The following HAPLN1 variants were observed in gnomAD, a reference collection of about 807,000 sequenced individuals.
The protein encoded by HAPLN1 is hyaluronan and proteoglycan link protein 1.
Under a neutral mutation model 36.5 loss-of-function variants are expected in HAPLN1, and 13 were observed. The ratio of observed to expected loss-of-function variants is 0.36; its 90% CI spans 0.23 to 0.57. HAPLN1 has a LOEUF of 0.57. Ranked by LOEUF, HAPLN1 falls within the 20% of genes least tolerant of loss-of-function variation. The pLI is 0.83. For synonymous variants in HAPLN1, 202 were observed against 169.8 expected, an observed-to-expected ratio of 1.19 and a Z score of -1.48; for missense variants, 407 against 439.7, an observed-to-expected ratio of 0.93 and a Z score of 0.66.
In HAPLN1 at chr5:83,652,552, C is replaced by A. The variant is rs759929174; in HGVS notation, c.373G>T (p.Val125Phe). The A allele has an allele frequency of 6.2e-7, 1 of 1,614,120 alleles. No homozygotes were observed. The highest frequency in any genetic ancestry group is 1.1e-5 in the South Asian group (1 of 91,082). Residue 125 changes from valine (V) to phenylalanine (F), a missense_variant, in exon 3 of 5, where the codon GTC becomes TTC. Coordinates refer to ENST00000274341, the MANE Select transcript of HAPLN1 (RefSeq NM_001884.4). ...TCTTCCAGAGTGAGGTCTGTGATGACCAGAGAAGCATCACTATCACTGCCT... is the reference window on the plus strand; with the variant it reads ...TCTTCCAGAGTGAGGTCTGTGATGAACAGAGAAGCATCACTATCACTGCCT... ...KGGSDSDASLVITDLTLEDYG... is the reference protein window; with the variant it reads ...KGGSDSDASLFITDLTLEDYG...
At chr5:83,685,946 C>T (rs949581898) in intron 1 of HAPLN1, 1 of 152,074 alleles carries the variant, frequency 6.6e-6, no homozygotes, top group Non-Finnish European at 1.5e-5. Context: ...GAGCATATGA[C>T]TATCTATACT....
intron 1 of HAPLN1, among the ~76,000 whole-genome samples, chr5:83,676,711 AT>A (rs1479856845): frequency 1.3e-5 from 2 of 152,174 alleles, no homozygotes; most frequent in Admixed American, 1.3e-4. Context: ...AGTTTTTGAT[AT>A]GAGCTAAAAT....
At chr5:83,690,602 A>G (rs1007637738) in intron 1 of HAPLN1, among the ~76,000 whole-genome samples, 1 of 152,040 alleles carries the variant, frequency 6.6e-6, no homozygotes, top group African/African-American at 2.4e-5. Context: ...GGTTTATTAA[A>G]TGGGTTTTAT....
chr5:83,647,684 A>G (rs1042326374), intron 3 of HAPLN1, among the ~76,000 whole-genome samples: 2 of 152,182 alleles, frequency 1.3e-5, no homozygotes, highest in South Asian at 2.1e-4. Flanking sequence ...ACTTTTATGG[A>G]TGGGAAAGAA....
At position 83,719,483 on chromosome 5, in the gene HAPLN1, A is replaced by T. The variant is rs79619367; in HGVS notation, c.-27+1306T>A. Among the ~76,000 whole-genome samples, 1,388 of 152,322 alleles carry T rather than the reference A, an allele frequency of 9.1e-3. 28 individuals are homozygous for T. The highest frequency in any genetic ancestry group is 0.031 in the African/African-American group (1,308 of 41,564). The stretch of plus-strand genomic sequence containing the variant: ...CTTAGCTGAAACAATTAAATTTTTT[A>T]AAATGGGTGGTATAAAAGTGACTAA... On this transcript the variant is annotated intron_variant, in intron 1 of 4. Coordinates refer to ENST00000274341, the MANE Select transcript of HAPLN1 (RefSeq NM_001884.4).
At chr5:83,643,323 C>T (rs1749759121) in intron 4 of HAPLN1, among the ~76,000 whole-genome samples, 1 of 147,902 alleles carries the variant, frequency 6.8e-6, no homozygotes, top group Admixed American at 6.8e-5. Flanking sequence ...GTACTCCAGC[C>T]TGGGTGACAG....
chr5:83,670,083 C>G (rs1580137916), intron 2 of HAPLN1, among the ~76,000 whole-genome samples: 1 of 152,156 alleles, frequency 6.6e-6, no homozygotes, highest in Non-Finnish European at 1.5e-5. Context: ...TAAAATTTCT[C>G]TGTTATCTGT....
At chr5:83,662,011 T>A (rs372263823) in intron 2 of HAPLN1, among the ~76,000 whole-genome samples, 26 of 152,256 alleles carry the variant, frequency 1.7e-4, no homozygotes, top group African/African-American at 6.3e-4. Context: ...CTTTCTCAAT[T>A]TCGGAAGTTA....
chr5:83,709,034 C>T (rs1343486493), intron 1 of HAPLN1, among the ~76,000 whole-genome samples: 9 of 152,098 alleles, frequency 5.9e-5, no homozygotes, highest in Non-Finnish European at 1.3e-4. Flanking sequence ...TGCCACCATG[C>T]CCTGATAATT....
chr5:83,666,076 T>C (rs1447752634), intron 2 of HAPLN1, among the ~76,000 whole-genome samples: 2 of 152,316 alleles, frequency 1.3e-5, no homozygotes, highest in South Asian at 4.1e-4. Flanking sequence ...TTAAAAACGA[T>C]TTCATTTTCT....
chr5:83,694,632 T>C lies in HAPLN1; in HGVS notation c.-26-21083A>G, dbSNP rs371848890. ...TGAAACTTTGTTTTAATAAATTCAGTGAGTTAAATGAAATGGTGAAATTCT... is the reference window on the plus strand; with the variant it reads ...TGAAACTTTGTTTTAATAAATTCAGCGAGTTAAATGAAATGGTGAAATTCT... On this transcript the variant is annotated intron_variant, in intron 1 of 4. Transcript: ENST00000274341. 3.9e-5 allele frequency among the ~76,000 whole-genome samples: 6 copies of C among 152,102 alleles called. No individual in the cohort carries two copies. In the South Asian group the frequency reaches 1.0e-3, roughly 26 times the overall value.
intron 1 of HAPLN1, among the ~76,000 whole-genome samples, chr5:83,713,139 C>A (rs1435066126): frequency 6.6e-6 from 1 of 152,130 alleles, no homozygotes; most frequent in Non-Finnish European, 1.5e-5. Context: ...CAACAAAATG[C>A]AGCAACATAT....
intron 1 of HAPLN1, among the ~76,000 whole-genome samples, chr5:83,692,108 T>C (rs1751289859): frequency 6.6e-6 from 1 of 151,102 alleles, no homozygotes; most frequent in African/African-American, 2.4e-5. Flanking sequence ...AGAAGAAAAA[T>C]GACTGAAAAC....
rs766194311 is a variant in HAPLN1, at chr5:83,644,566, A to G, written c.572T>C (p.Phe191Ser). 2.5e-6 allele frequency: 4 copies of G among 1,598,266 alleles called. No individual in the cohort carries two copies. The highest frequency in any genetic ancestry group is 3.4e-6 in the Non-Finnish European group (4 of 1,173,108). ...CCGCCAGGCGTCGTACAGCTGGTCG[A>G]AGGAGGCGATCACAGCATCCTGGTC... ...CLDQDAVIAS[F>S]DQLYDAWRGG... Residue 191 changes from phenylalanine to serine, a missense_variant, in exon 4 of 5, where the codon TTC (phenylalanine) becomes TCC (serine). By Grantham distance (155) the Phe-to-Ser change is radical (BLOSUM62 -2). Transcript: ENST00000274341.
At chr5:83,691,211 G>A (rs1482203159) in intron 1 of HAPLN1, among the ~76,000 whole-genome samples, 1 of 152,020 alleles carries the variant, frequency 6.6e-6, no homozygotes, top group Non-Finnish European at 1.5e-5. Flanking sequence ...GGCGTTGAGA[G>A]CCAAGAGTTC....
At chr5:83,686,713 G>A (rs892494847) in intron 1 of HAPLN1, among the ~76,000 whole-genome samples, 1 of 152,074 alleles carries the variant, frequency 6.6e-6, no homozygotes, top group African/African-American at 2.4e-5. Flanking sequence ...CCCACCTGCC[G>A]TTTTGGAGGC....
intron 1 of HAPLN1, 57 bp from the exon 2 acceptor site, chr5:83,673,606 G>A: frequency 2.1e-6 from 2 of 932,612 alleles, no homozygotes; most frequent in South Asian, 1.4e-5. Context: ...TTGGAGTGTT[G>A]CACTGCACAA....
chr5:83,676,453 A>G (rs1750863540), intron 1 of HAPLN1, among the ~76,000 whole-genome samples: 1 of 152,146 alleles, frequency 6.6e-6, no homozygotes, highest in African/African-American at 2.4e-5. Flanking sequence ...ATGAAACTAG[A>G]AAAGTATACT....
chr5:83,659,752 T>G (rs1455822417), intron 2 of HAPLN1, among the ~76,000 whole-genome samples: 1 of 152,178 alleles, frequency 6.6e-6, no homozygotes, highest in Admixed American at 6.5e-5. Flanking sequence ...CTAAAAATGT[T>G]ATCTTTAAAC....
Sources: allele counts gnomAD v4.1 joint callset (sites outside exome capture counted in the v4.1 genomes callset), GRCh38; gene constraint gnomAD v4.1.1; transcripts MANE v1.5; gene names NCBI Gene and HGNC (gene_info 2026-07-23, HGNC 2026-07-21).